PPM1H: variants seen among roughly 807,000 people sequenced by gnomAD.
PPM1H encodes protein phosphatase 1H.
Under a neutral mutation model 54.9 loss-of-function variants are expected in PPM1H, and 27 were observed. The ratio of observed to expected loss-of-function variants is 0.49; its 90% CI spans 0.36 to 0.68. PPM1H has a LOEUF of 0.68. Among genes scored for constraint, PPM1H ranks in the 30% least tolerant of loss-of-function variants. PPM1H has a pLI of 0.00. For missense variants in PPM1H, 596 were observed against 667.8 expected, an observed-to-expected ratio of 0.89 and a Z score of 1.19; for synonymous variants, 305 against 270.8, an observed-to-expected ratio of 1.13 and a Z score of -1.24.
At chr12:62,692,458 G>C (rs1365055537) in intron 7 of PPM1H, among the ~76,000 whole-genome samples, 2 of 152,156 alleles carry the variant, frequency 1.3e-5, no homozygotes, top group African/African-American at 4.8e-5. Flanking sequence ...ACTAAGGAAA[G>C]TATACTGAAC....
At chr12:62,873,065 T>C (rs936588746) in intron 1 of PPM1H, among the ~76,000 whole-genome samples, 1 of 152,238 alleles carries the variant, frequency 6.6e-6, no homozygotes, top group African/African-American at 2.4e-5. Flanking sequence ...AGAGGTTAAA[T>C]GTGTTTCTAA....
intron 1 of PPM1H, among the ~76,000 whole-genome samples, chr12:62,928,191 G>C (rs1375300601): frequency 6.6e-6 from 1 of 152,112 alleles, no homozygotes; most frequent in East Asian, 1.9e-4. Flanking sequence ...GTATAAATAG[G>C]GATAATCCTA....
At chr12:62,696,613 T>C (rs775443659) in intron 6 of PPM1H, among the ~76,000 whole-genome samples, 1 of 152,244 alleles carries the variant, frequency 6.6e-6, no homozygotes, top group Non-Finnish European at 1.5e-5. Context: ...GAGTTAAAAC[T>C]GGCAACTTGA....
chr12:62,874,568 C>T (rs1870097178), intron 1 of PPM1H, among the ~76,000 whole-genome samples: 1 of 151,972 alleles, frequency 6.6e-6, no homozygotes, highest in Non-Finnish European at 1.5e-5. Flanking sequence ...CCCCAAAGAC[C>T]ACTGCAACAA....
At chr12:62,919,365 G>A (rs988706820) in intron 1 of PPM1H, among the ~76,000 whole-genome samples, 8 of 151,794 alleles carry the variant, frequency 5.3e-5, no homozygotes, top group Non-Finnish European at 7.4e-5. Flanking sequence ...CTAGCCTGTG[G>A]TCCAGGCTCC....
rs562614541 is a variant in PPM1H, at chr12:62,720,162, T to A, written c.1073+9A>T. 36 of 1,573,016 alleles carry A rather than the reference T, an allele frequency of 2.3e-5. No individual in the cohort carries two copies. The South Asian group carries it at 4.0e-4, about 17-fold the overall frequency. ...TGTGGTTCCGAGGCAGAGGAAGGCA[T>A]GTTCTTACCAGCCTGTCATATTAAA... On this transcript the variant is annotated intron_variant, in intron 6 of 9. Transcript: ENST00000228705.
chr12:62,883,855 C>T (rs1666905), intron 1 of PPM1H, among the ~76,000 whole-genome samples: 5,835 of 152,080 alleles, frequency 0.038, 327 homozygotes, highest in African/African-American at 0.12. Context: ...ATAATTGCAT[C>T]CTTCTCAGAC....
intron 1 of PPM1H, among the ~76,000 whole-genome samples, chr12:62,842,149 T>G (rs568971302): frequency 4.6e-5 from 7 of 152,272 alleles, no homozygotes; most frequent in African/African-American, 1.7e-4. Flanking sequence ...GTGTTGAAGT[T>G]TTGCATAAAA....
At chr12:62,869,121 A>C (rs1198371867) in intron 1 of PPM1H, among the ~76,000 whole-genome samples, 3 of 152,186 alleles carry the variant, frequency 2.0e-5, no homozygotes, top group Non-Finnish European at 2.9e-5. Flanking sequence ...TCAATACCCT[A>C]TATGTGGCTT....
rs571316189 is a variant in PPM1H at position 62,823,307 on chromosome 12, C to A, written c.411+8807G>T. On this transcript the variant is annotated intron_variant, in intron 2 of 9. Transcript: ENST00000228705. ...CAGACGGATTCACAGCCAAATTCTA[C>A]CAGAGGTACAAAGAGGAGCTGGTAC... Among the ~76,000 whole-genome samples, 94 of 152,244 alleles carry A rather than the reference C, an allele frequency of 6.2e-4. 2 individuals carry two copies. The South Asian group carries it at 0.018, about 29-fold the overall frequency.
At chr12:62,649,389 T>A (rs1339535850) in intron 9 of PPM1H, among the ~76,000 whole-genome samples, 1 of 152,148 alleles carries the variant, frequency 6.6e-6, no homozygotes, top group Non-Finnish European at 1.5e-5. Flanking sequence ...AGAATGACAC[T>A]GTAAGCTGAT....
chr12:62,720,531 T>A, intron 5 of PPM1H: 1 of 468,618 alleles, frequency 2.1e-6, no homozygotes, highest in Non-Finnish European at 3.8e-6. Context: ...ACCAAATGCA[T>A]AGCTGAAGGG....
intron 3 of PPM1H, among the ~76,000 whole-genome samples, chr12:62,800,334 TTTTG>T (rs1397677742): frequency 2.0e-5 from 3 of 151,942 alleles, no homozygotes; most frequent in African/African-American, 4.8e-5. Context: ...GGTTTTTTTT[TTTTG>T]TTTATTTGTT....
At position 62,847,412 on chromosome 12, in the gene PPM1H, G is replaced by A. The variant is rs377462231; in HGVS notation, c.246-15133C>T. Among the ~76,000 whole-genome samples the A allele has an allele frequency of 1.4e-4, 21 of 152,316 alleles. 2 individuals are homozygous for A. In the South Asian group the frequency reaches 2.9e-3, roughly 21 times the overall value. On this transcript the variant is annotated intron_variant, in intron 1 of 9. Transcript: ENST00000228705. ...CTATCATTATTAAACTGCAAGGGCC[G>A]TGAAGGTAGGGGTAGAAACTTATTT...
At chr12:62,870,107 T>C (rs1411357488) in intron 1 of PPM1H, among the ~76,000 whole-genome samples, 6 of 152,172 alleles carry the variant, frequency 3.9e-5, no homozygotes, top group African/African-American at 1.4e-4. Context: ...GGGTAGGACA[T>C]CCACAGTAAT....
At chr12:62,790,949 C>T (rs569009381) in intron 3 of PPM1H, among the ~76,000 whole-genome samples, 6 of 152,284 alleles carry the variant, frequency 3.9e-5, no homozygotes, top group South Asian at 2.1e-4. Context: ...GGACCCTTCC[C>T]GCAGCCCAGA....
intron 3 of PPM1H, among the ~76,000 whole-genome samples, chr12:62,792,350 C>T (rs1442683757): frequency 6.6e-6 from 1 of 152,096 alleles, no homozygotes; most frequent in Non-Finnish European, 1.5e-5. Context: ...TTTCTTTCAC[C>T]TTTTTCTACG....
chr12:62,736,802 T>G (rs1320128029), intron 5 of PPM1H, among the ~76,000 whole-genome samples: 1 of 152,178 alleles, frequency 6.6e-6, no homozygotes, highest in East Asian at 1.9e-4. Context: ...CCTAGAGGTA[T>G]CTGCCCCAAG....
intron 4 of PPM1H, among the ~76,000 whole-genome samples, chr12:62,780,819 G>A (rs180948131): frequency 6.6e-6 from 1 of 152,056 alleles, no homozygotes; most frequent in East Asian, 1.9e-4. Flanking sequence ...AGGGCCTTGG[G>A]TTCTCTACTA....
Sources: gnomAD v4.1 joint callset for allele counts (sites outside exome capture counted in the v4.1 genomes callset) on GRCh38, gnomAD v4.1.1 for gene constraint, MANE v1.5 for transcripts, NCBI Gene and HGNC (gene_info 2026-07-23, HGNC 2026-07-21) for gene names.